Variants in PCDH15 observed in about 807,000 individuals in gnomAD.
PCDH15 encodes the protein protocadherin-15.
In PCDH15, 129 loss-of-function variants were observed where a neutral mutation model predicts 178.5. The observed-to-expected ratio is 0.72, with a 90% CI of 0.63 to 0.84. The LOEUF (loss-of-function observed/expected upper bound fraction) is 0.84, where lower values mean the gene tolerates loss of function less well. Ranked by LOEUF, PCDH15 falls within the 40% of genes least tolerant of loss-of-function variation. PCDH15 has a pLI of 0.00. For missense variants in PCDH15, 2,230 were observed against 2,099.9 expected (o/e 1.06, Z -1.21); for synonymous variants, 800 against 732.0 (o/e 1.09, Z -1.50).
rs140329033 is a variant in PCDH15 at position 54,543,095 on chromosome 10, G to A, written c.92-15218C>T. Among the ~76,000 whole-genome samples, 524 of 152,122 alleles carry A rather than the reference G, an allele frequency of 3.4e-3. 7 individuals are homozygous for A. The highest frequency in any genetic ancestry group is 4.3e-3 in the Non-Finnish European group (294 of 68,028). ...GGAGTTTGGTCCGGGGAAGTTGGAG[G>A]AGAGCCGTGGCCCCCCAAAACTCCG... On this transcript the variant is annotated intron_variant, in intron 2 of 37. Coordinates refer to ENST00000644397, the MANE Select transcript of PCDH15 (RefSeq NM_001384140.1).
In PCDH15 at chr10:54,137,393, T is replaced by A. The variant is rs142405667; in HGVS notation, c.1785-4386A>T. 1.1e-3 allele frequency among the ~76,000 whole-genome samples: 163 copies of A among 152,322 alleles called. 1 individual carries two copies. The East Asian group carries it at 0.02, about 19-fold the overall frequency. ...AAGAGGTAATATATTTCTTATATAC[T>A]CTTGAAACCTACCCAATAGTTCCAT... is the stretch of plus-strand genomic sequence containing the variant. On this transcript the variant is annotated intron_variant, in intron 14 of 37. Coordinates refer to ENST00000644397, the MANE Select transcript of PCDH15 (RefSeq NM_001384140.1).
chr10:55,386,608 T>C (rs1837664915), intron 2 of PCDH15, among the ~76,000 whole-genome samples: 2 of 152,040 alleles, frequency 1.3e-5, no homozygotes, highest in African/African-American at 2.4e-5. Context: ...TGAATCTCCA[T>C]GGTCATCGAA....
chr10:55,546,180 A>T (rs192078996), intron 2 of PCDH15, among the ~76,000 whole-genome samples: 428 of 152,296 alleles, frequency 2.8e-3, no homozygotes, highest in African/African-American at 9.6e-3. Flanking sequence ...TTGATATGGA[A>T]GAAAAATGTA....
At chr10:54,148,109 C>A (rs73243528) in intron 14 of PCDH15, among the ~76,000 whole-genome samples, 2,345 of 152,048 alleles carry the variant, frequency 0.015, 75 homozygotes, top group African/African-American at 0.054. Context: ...ATCTTTAATT[C>A]CTCTTCAGAA....
At chr10:55,032,550 C>T (rs1048430203) in intron 2 of PCDH15, among the ~76,000 whole-genome samples, 1 of 152,132 alleles carries the variant, frequency 6.6e-6, no homozygotes, top group African/African-American at 2.4e-5. Context: ...ATATTTGCCA[C>T]ATCTGGCATA....
At chr10:54,074,282 C>T (rs1303777696) in intron 17 of PCDH15, among the ~76,000 whole-genome samples, 2 of 152,036 alleles carry the variant, frequency 1.3e-5, no homozygotes, top group Non-Finnish European at 2.9e-5. Context: ...CATCACTATC[C>T]ATCTCTAAAA....
chr10:54,920,362 C>T (rs1445986417), intron 2 of PCDH15, among the ~76,000 whole-genome samples: 1 of 144,424 alleles, frequency 6.9e-6, no homozygotes, highest in African/African-American at 2.6e-5. Context: ...CCCAGCTACT[C>T]GGGAGATGAG....
At chr10:55,275,061 T>C (rs1031785870) in intron 1 of PCDH15, among the ~76,000 whole-genome samples, 1 of 152,078 alleles carries the variant, frequency 6.6e-6, no homozygotes, top group Admixed American at 6.5e-5. Context: ...TTCTGTGATG[T>C]TTTTATTGAA....
At chr10:54,250,386 C>A (rs1222017766) in intron 8 of PCDH15, among the ~76,000 whole-genome samples, 1 of 150,434 alleles carries the variant, frequency 6.6e-6, no homozygotes, top group African/African-American at 2.5e-5. Flanking sequence ...GGGTTCACGC[C>A]ATTCTCCTGC....
At chr10:54,980,194 G>A (rs1419243884) in intron 2 of PCDH15, among the ~76,000 whole-genome samples, 1 of 152,006 alleles carries the variant, frequency 6.6e-6, no homozygotes, top group African/African-American at 2.4e-5. Flanking sequence ...TTCCAATAAT[G>A]GAATACTAGG....
At chr10:54,806,267 T>C (rs1952776123), upstream of PCDH15, among the ~76,000 whole-genome samples, 1 of 152,164 alleles carries the variant, frequency 6.6e-6, no homozygotes, top group Non-Finnish European at 1.5e-5. Flanking sequence ...ATTAGTATTG[T>C]ATTGTTGTAT....
intron 11 of PCDH15, among the ~76,000 whole-genome samples, chr10:54,192,152 G>A (rs868476393): frequency 1.9e-4 from 10 of 52,744 alleles, no homozygotes; most frequent in Admixed American, 1.0e-3. Context: ...AAGAAAGAAA[G>A]AAAAAGAAAG....
At chr10:54,612,408 C>CT (rs1296205835) in intron 2 of PCDH15, among the ~76,000 whole-genome samples, 4 of 151,654 alleles carry the variant, frequency 2.6e-5, no homozygotes, top group African/African-American at 9.7e-5. Context: ...AACATAAAAT[C>CT]TTTTTTCTTT....
intron 2 of PCDH15, among the ~76,000 whole-genome samples, chr10:54,978,710 A>G (rs1448249452): frequency 6.6e-6 from 1 of 152,082 alleles, no homozygotes; most frequent in Non-Finnish European, 1.5e-5. Context: ...ATCAAACTCT[A>G]CCTTTTTTAC....
chr10:55,380,925 T>G (rs573272929), intron 2 of PCDH15, among the ~76,000 whole-genome samples: 1 of 151,946 alleles, frequency 6.6e-6, no homozygotes, highest in African/African-American at 2.4e-5. Flanking sequence ...AGATGAGAGG[T>G]TCAAAGCCCT....
intron 3 of PCDH15, among the ~76,000 whole-genome samples, chr10:54,405,807 T>G (rs1952591897): frequency 6.6e-6 from 1 of 151,834 alleles, no homozygotes; most frequent in South Asian, 2.1e-4. Context: ...TAATAATGGT[T>G]ACTTCCAAAC....
At chr10:55,030,465 A>G (rs1408509278) in intron 2 of PCDH15, among the ~76,000 whole-genome samples, 1 of 152,200 alleles carries the variant, frequency 6.6e-6, no homozygotes, top group Non-Finnish European at 1.5e-5. Context: ...GGATAATACA[A>G]GGCTTAGCAA....
intron 2 of PCDH15, among the ~76,000 whole-genome samples, chr10:55,510,485 A>G (rs1003355062): frequency 1.3e-5 from 2 of 152,042 alleles, no homozygotes; most frequent in Admixed American, 6.6e-5. Context: ...ATTGTTTAAA[A>G]AAAAGTTTCT....
intron 2 of PCDH15, among the ~76,000 whole-genome samples, chr10:54,581,624 G>A (rs2091047078): frequency 6.6e-6 from 1 of 151,782 alleles, no homozygotes; most frequent in South Asian, 2.1e-4. Flanking sequence ...CTAAAGGAAG[G>A]TAAACAAAAA....
Sources: gnomAD v4.1 joint callset for allele counts (sites outside exome capture counted in the v4.1 genomes callset) on GRCh38, gnomAD v4.1.1 for gene constraint, MANE v1.5 for transcripts, NCBI Gene and HGNC (gene_info 2026-07-23, HGNC 2026-07-21) for gene names.